Variants in FMN1 observed in about 807,000 individuals in gnomAD.
FMN1 encodes the protein formin 1, also known as formin-1.
In FMN1, 110 loss-of-function variants were observed where a neutral mutation model predicts 132.4. That is an observed-to-expected ratio of 0.83 (90% CI 0.71 to 0.97). FMN1 has a LOEUF of 0.97. Among genes scored for constraint, FMN1 ranks in the 50% least tolerant of loss-of-function variants. The probability of loss-of-function intolerance (pLI) is 0.00; values close to 1 mark genes in which losing one functional copy is unlikely to be tolerated. For synonymous variants in FMN1, 722 were observed against 651.7 expected (o/e 1.11, Z -1.64); for missense variants, 1,792 against 1,705.3 (o/e 1.05, Z -0.90).
rs537064619 is a variant in FMN1 at position 33,015,238 on chromosome 15, C to T, written c.2162-7163G>A. 5.3e-5 allele frequency among the ~76,000 whole-genome samples: 8 copies of T among 152,306 alleles called. No individual in the cohort carries two copies. In the South Asian group the frequency reaches 1.7e-3, roughly 32 times the overall value. ...CAAGCCTCTGTAAACTTCAAAGTTG[C>T]TTGCTTTATCCTATTACCAGAATCA... On this transcript the variant is annotated intron_variant, in intron 6 of 20. Transcript: ENST00000616417.
intron 6 of FMN1, among the ~76,000 whole-genome samples, chr15:33,030,145 A>G (rs1053615031): frequency 6.6e-6 from 1 of 152,202 alleles, no homozygotes. Context: ...GCGACAGAGC[A>G]AGACTCCGTC....
At chr15:32,854,286 CAT>C (rs2059074874) in intron 17 of FMN1, among the ~76,000 whole-genome samples, 2 of 152,318 alleles carry the variant, frequency 1.3e-5, no homozygotes, top group South Asian at 4.1e-4. Context: ...TCAAAAGCCA[CAT>C]GTGGCTAGTG....
In FMN1 at chr15:33,153,532, C is replaced by T. The variant is rs1427890711; in HGVS notation, c.1383G>A (p.Gly461=). 3.3e-6 allele frequency: 5 copies of T among 1,536,202 alleles called. No individual in the cohort carries two copies. Among genetic ancestry groups the T allele is most frequent in the Non-Finnish European group, 3.5e-6 (4 of 1,146,966 alleles). The change falls in exon 4 of 21, where the codon GGG becomes GGA. Residue 461 remains glycine, a synonymous_variant. Transcript: ENST00000616417. ...AGGACTTGTGGCCACCAAGGGGCAA[C>T]CCGGCTCTCCTCTTGTTTCTCGTTT... ...RPETRNKRRA[G]LPLGGHKSLF...
At chr15:32,804,800 A>G (rs1281504524) in intron 17 of FMN1, among the ~76,000 whole-genome samples, 1 of 151,912 alleles carries the variant, frequency 6.6e-6, no homozygotes, top group African/African-American at 2.4e-5. Context: ...TGAGAATGAT[A>G]GTTTCTGGCT....
intron 13 of FMN1, 176 bp from the exon 14 acceptor site, chr15:32,900,301 C>A (rs1169581860): frequency 1.4e-6 from 1 of 716,344 alleles, no homozygotes; most frequent in Admixed American, 2.0e-5. Context: ...TTTACAAACA[C>A]ATTAACAGCC....
At chr15:33,094,034 T>C (rs920576246) in intron 4 of FMN1, among the ~76,000 whole-genome samples, 3 of 151,748 alleles carry the variant, frequency 2.0e-5, no homozygotes, top group Non-Finnish European at 2.9e-5. Context: ...AAGTTCTTTA[T>C]GCTATTTAGA....
chr15:33,082,020 G>GGGGTGTGT (rs1355703560), intron 5 of FMN1, among the ~76,000 whole-genome samples: 13 of 117,822 alleles, frequency 1.1e-4, no homozygotes, highest in African/African-American at 3.7e-4. Flanking sequence ...AGAGTTCAGG[G>GGGGTGTGT]GTGTGTGTGT....
At chr15:33,036,589 T>TCAAATAGTATTGACTCCTCTCTTTACTAG (rs1224270585) in intron 6 of FMN1, among the ~76,000 whole-genome samples, 48 of 152,334 alleles carry the variant, frequency 3.2e-4, no homozygotes, top group Non-Finnish European at 5.7e-4. Flanking sequence ...CTTCCAGGGT[T>TCAAATAGTATTGACTCCTCTCTTTACTAG]CAAATAGTAT....
Position 32,765,597 on chromosome 15 carries a change from G to T in FMN1, c.*8713C>A, listed in dbSNP as rs1231169193. The T allele has an allele frequency of 6.6e-6, 1 of 150,542 alleles. No homozygotes were observed. Among genetic ancestry groups the T allele is most frequent in the Non-Finnish European group, 1.5e-5 (1 of 67,854 alleles). 9.3% of individuals were successfully genotyped at this position (150,542 alleles called of 1,614,324 possible). A position where few individuals can be genotyped will look rare whatever the true frequency, so the allele number is the denominator to read the frequency against. On this transcript the variant is annotated 3_prime_UTR_variant, in exon 21 of 21. Transcript: ENST00000616417. ...ACCCTTAGCATATTTACAATTGAAA[G>T]CCATGAATGCAATTCTCTGTAAATT... is the stretch of plus-strand genomic sequence containing the variant.
chr15:33,055,297 G>A (rs2037166219), intron 6 of FMN1, among the ~76,000 whole-genome samples: 1 of 152,114 alleles, frequency 6.6e-6, no homozygotes, highest in East Asian at 1.9e-4. Context: ...CCTATGACCT[G>A]GAAGTCCCCC....
intron 4 of FMN1, 143 bp downstream of exon 4, chr15:33,152,905 C>A: frequency 2.5e-6 from 2 of 799,878 alleles, no homozygotes; most frequent in Admixed American, 3.0e-5. Context: ...TGTTCCACTC[C>A]CCGTTTTCTT....
chr15:33,128,037 A>AC (rs1252480019), intron 4 of FMN1, among the ~76,000 whole-genome samples: 1 of 152,174 alleles, frequency 6.6e-6, no homozygotes, highest in Non-Finnish European at 1.5e-5. Context: ...ATGCCCAGAC[A>AC]CGACACAGGT....
intron 6 of FMN1, among the ~76,000 whole-genome samples, chr15:33,040,631 T>C (rs980278296): frequency 3.9e-5 from 6 of 152,268 alleles, no homozygotes. Context: ...GTGACTCTGA[T>C]GTCACAGCCA....
intron 16 of FMN1, among the ~76,000 whole-genome samples, chr15:32,876,165 G>A (rs986881733): frequency 1.3e-5 from 2 of 152,330 alleles, no homozygotes; most frequent in African/African-American, 2.4e-5. Context: ...CTATCGAGCA[G>A]AATCCTGATC....
intron 19 of FMN1, among the ~76,000 whole-genome samples, chr15:32,785,939 G>C (rs2056863205): frequency 6.6e-6 from 1 of 152,118 alleles, no homozygotes; most frequent in Non-Finnish European, 1.5e-5. Context: ...GCTATAATAT[G>C]AATCTCTTTA....
Position 32,857,460 on chromosome 15 carries a change from G to C in FMN1, c.3836-353C>G, listed in dbSNP as rs535000896. ...AAAACTACTTGAGGATTAGTCTCAC[G>C]AAATTAAGGGCCTCAGCCCTCCTCA... On this transcript the variant is annotated intron_variant, in intron 16 of 20. Transcript: ENST00000616417. 4.6e-5 allele frequency among the ~76,000 whole-genome samples: 7 copies of C among 152,118 alleles called. No homozygotes were observed. The South Asian group carries it at 1.5e-3, about 32-fold the overall frequency.
At chr15:33,010,954 T>C (rs1184458535) in intron 6 of FMN1, among the ~76,000 whole-genome samples, 2 of 152,044 alleles carry the variant, frequency 1.3e-5, no homozygotes, top group African/African-American at 4.8e-5. Flanking sequence ...GTTTCTGATT[T>C]ATAAGACTTC....
intron 15 of FMN1, among the ~76,000 whole-genome samples, chr15:32,893,236 C>T (rs1055062306): frequency 2.6e-5 from 4 of 152,230 alleles, no homozygotes; most frequent in Admixed American, 2.6e-4. Flanking sequence ...GTACTCTCAT[C>T]TGAGTGCCAA....
At chr15:32,829,721 T>C (rs964566015) in intron 17 of FMN1, among the ~76,000 whole-genome samples, 2 of 152,194 alleles carry the variant, frequency 1.3e-5, no homozygotes, top group Non-Finnish European at 2.9e-5. Flanking sequence ...TGCCAATCCA[T>C]GTAAATCACT....
Sources: gnomAD v4.1 joint callset for allele counts (sites outside exome capture counted in the v4.1 genomes callset) on GRCh38, gnomAD v4.1.1 for gene constraint, MANE v1.5 for transcripts, NCBI Gene and HGNC (gene_info 2026-07-23, HGNC 2026-07-21) for gene names.